Variants in CTNNA2 observed in about 807,000 individuals in gnomAD.
CTNNA2 encodes catenin alpha-2.
In CTNNA2, 42 loss-of-function variants were observed where a neutral mutation model predicts 101.0. The observed-to-expected ratio is 0.42, with a 90% CI of 0.32 to 0.54. CTNNA2 has a LOEUF of 0.54. Ranked by LOEUF, CTNNA2 falls within the 20% of genes least tolerant of loss-of-function variation. CTNNA2 has a pLI of 0.14. For missense variants in CTNNA2, 871 were observed against 1,223.1 expected, an observed-to-expected ratio of 0.71 and a Z score of 4.29; for synonymous variants, 450 against 456.4, an observed-to-expected ratio of 0.99 and a Z score of 0.18.
intron 7 of CTNNA2, among the ~76,000 whole-genome samples, chr2:80,121,006 C>T (rs2148877926): frequency 6.6e-6 from 1 of 152,326 alleles, no homozygotes; most frequent in South Asian, 2.1e-4. Context: ...AAGGCATCTA[C>T]TCTCTGGGGC....
At chr2:80,477,860 C>A (rs1685848722) in intron 9 of CTNNA2, among the ~76,000 whole-genome samples, 1 of 151,824 alleles carries the variant, frequency 6.6e-6, no homozygotes, top group Non-Finnish European at 1.5e-5. Flanking sequence ...CATACACATG[C>A]AGGTATTTTT....
intron 3 of CTNNA2, among the ~76,000 whole-genome samples, chr2:79,343,606 G>T (rs1049393599): frequency 1.3e-5 from 2 of 152,116 alleles, no homozygotes; most frequent in Admixed American, 6.6e-5. Flanking sequence ...CCTGGCCAAG[G>T]TGGCACACAC....
intron 7 of CTNNA2, among the ~76,000 whole-genome samples, chr2:80,137,041 G>A (rs1702735058): frequency 6.6e-6 from 1 of 152,180 alleles, no homozygotes; most frequent in Admixed American, 6.6e-5. Flanking sequence ...AGCACAGGAA[G>A]TGCCTGTGGT....
At chr2:80,551,080 C>T (rs1274803857) in intron 11 of CTNNA2, among the ~76,000 whole-genome samples, 2 of 152,276 alleles carry the variant, frequency 1.3e-5, no homozygotes, top group East Asian at 1.9e-4. Flanking sequence ...AGCAGGAAAG[C>T]ACTATTAATC....
chr2:80,144,967 A>G (rs1703246385), intron 7 of CTNNA2, among the ~76,000 whole-genome samples: 1 of 152,094 alleles, frequency 6.6e-6, no homozygotes, highest in South Asian at 2.1e-4. Flanking sequence ...CTCTCCCCCC[A>G]GCTGTCACAA....
At chr2:79,803,014 G>A (rs1402469196) in intron 3 of CTNNA2, among the ~76,000 whole-genome samples, 1 of 152,032 alleles carries the variant, frequency 6.6e-6, no homozygotes, top group African/African-American at 2.4e-5. Flanking sequence ...TACATATAAT[G>A]TAATGAAAAA....
chr2:79,828,288 A>G (rs1252910470), intron 3 of CTNNA2, among the ~76,000 whole-genome samples: 1 of 152,246 alleles, frequency 6.6e-6, no homozygotes, highest in Non-Finnish European at 1.5e-5. Context: ...ATATTTGCCA[A>G]TAAACCTAAA....
At chr2:79,321,229 A>G (rs1040181687) in intron 3 of CTNNA2, among the ~76,000 whole-genome samples, 1 of 152,230 alleles carries the variant, frequency 6.6e-6, no homozygotes, top group African/African-American at 2.4e-5. Context: ...AAAGAGGTCA[A>G]GCAACTTTGT....
At chr2:80,520,463 G>A (rs1689448839) in intron 9 of CTNNA2, among the ~76,000 whole-genome samples, 1 of 152,140 alleles carries the variant, frequency 6.6e-6, no homozygotes, top group Admixed American at 6.6e-5. Flanking sequence ...TACACTGGAA[G>A]TCCTAAACAA....
At chr2:79,594,885 G>GA (rs1177051608) in intron 1 of CTNNA2, among the ~76,000 whole-genome samples, 4 of 151,536 alleles carry the variant, frequency 2.6e-5, no homozygotes, top group Admixed American at 6.6e-5. Flanking sequence ...ACAAAAGAAG[G>GA]AAAAAAGAAT....
chr2:80,572,391 A>G (rs1694677245), intron 12 of CTNNA2, among the ~76,000 whole-genome samples: 1 of 152,088 alleles, frequency 6.6e-6, no homozygotes, highest in Admixed American at 6.6e-5. Flanking sequence ...TAGGAGTACT[A>G]ATTCTTTATC....
intron 2 of CTNNA2, among the ~76,000 whole-genome samples, chr2:79,686,581 A>G (rs1190647671): frequency 1.3e-5 from 2 of 152,194 alleles, no homozygotes; most frequent in Non-Finnish European, 2.9e-5. Flanking sequence ...GACATAAAAT[A>G]GAGCCTTATA....
intron 7 of CTNNA2, among the ~76,000 whole-genome samples, chr2:80,384,269 A>G (rs1370141493): frequency 6.6e-6 from 1 of 152,094 alleles, no homozygotes; most frequent in East Asian, 1.9e-4. Context: ...AACTTATGTC[A>G]CAAAATATCT....
At chr2:80,307,548 T>A (rs1211243870) in intron 7 of CTNNA2, among the ~76,000 whole-genome samples, 1 of 152,200 alleles carries the variant, frequency 6.6e-6, no homozygotes, top group Non-Finnish European at 1.5e-5. Context: ...TCTGTACCTG[T>A]CTTTTGAAAA....
intron 7 of CTNNA2, among the ~76,000 whole-genome samples, chr2:80,037,001 G>A (rs1017074281): frequency 7.9e-5 from 12 of 152,230 alleles, no homozygotes; most frequent in Non-Finnish European, 1.3e-4. Context: ...GGAAAGTTTC[G>A]TTGTAGATAT....
chr2:79,271,438 C>T (rs1675080963), intron 2 of CTNNA2, among the ~76,000 whole-genome samples: 2 of 152,060 alleles, frequency 1.3e-5, no homozygotes, highest in South Asian at 4.1e-4. Context: ...GAGCTGTTTA[C>T]TGGCCATAGC....
chr2:80,403,640 T>C (rs1185835321), intron 8 of CTNNA2, among the ~76,000 whole-genome samples: 1 of 152,216 alleles, frequency 6.6e-6, no homozygotes, highest in Non-Finnish European at 1.5e-5. Flanking sequence ...TGTTTACTGA[T>C]GCACATATGG....
intron 2 of CTNNA2, among the ~76,000 whole-genome samples, chr2:79,656,188 C>T (rs1281464265): frequency 7.2e-5 from 11 of 152,124 alleles, no homozygotes; most frequent in Non-Finnish European, 1.5e-4. Context: ...CTAACTAATT[C>T]TTCCCTTGGA....
chr2:79,391,727 G>C (rs1254233124), intron 4 of CTNNA2, among the ~76,000 whole-genome samples: 2 of 152,150 alleles, frequency 1.3e-5, no homozygotes, highest in Admixed American at 1.3e-4. Context: ...GAGTTCAACA[G>C]GTGGATTTCA....
Sources: gnomAD v4.1 joint callset for allele counts (sites outside exome capture counted in the v4.1 genomes callset) on GRCh38, gnomAD v4.1.1 for gene constraint, MANE v1.5 for transcripts, NCBI Gene and HGNC (gene_info 2026-07-23, HGNC 2026-07-21) for gene names.